RYR2: variants seen among roughly 807,000 people sequenced by gnomAD.
The protein encoded by RYR2 is cardiac muscle ryanodine receptor-calcium release channel.
RYR2 carries 227 observed loss-of-function variants against 601.1 expected under a neutral mutation model. The ratio of observed to expected loss-of-function variants is 0.38; its 90% CI spans 0.34 to 0.42. The LOEUF is 0.42. Ranked by LOEUF, RYR2 falls within the 10% of genes least tolerant of loss-of-function variation. RYR2 has a pLI of 1.00. For missense variants in RYR2, 4,646 were observed against 6,156.5 expected, an observed-to-expected ratio of 0.75 and a Z score of 8.21; for synonymous variants, 2,223 against 2,175.1, an observed-to-expected ratio of 1.02 and a Z score of -0.61.
At chr1:237,520,389 T>C (rs1372614432) in intron 24 of RYR2, among the ~76,000 whole-genome samples, 2 of 152,210 alleles carry the variant, frequency 1.3e-5, no homozygotes, top group Non-Finnish European at 2.9e-5. Flanking sequence ...TTCCAGTTCT[T>C]ACAGGGAAAG....
At chr1:237,445,332 C>T in intron 13 of RYR2, 69 bp from the exon 14 acceptor site, 1 of 1,591,380 alleles carries the variant, frequency 6.3e-7, no homozygotes, top group Admixed American at 1.7e-5. Flanking sequence ...TGTTTGAGTA[C>T]ACATCTCCCT....
At chr1:237,669,834 A>C (rs1478532202) in intron 58 of RYR2, among the ~76,000 whole-genome samples, 3 of 150,158 alleles carry the variant, frequency 2.0e-5, no homozygotes, top group African/African-American at 7.4e-5. Context: ...GGCTCCTCAC[A>C]TCCCAGATGA....
chr1:237,204,437 G>A (rs549833571), intron 1 of RYR2, among the ~76,000 whole-genome samples: 1 of 149,846 alleles, frequency 6.7e-6, no homozygotes, highest in South Asian at 2.1e-4. Flanking sequence ...TACTGTTGTT[G>A]TTGTTTTTTG....
intron 23 of RYR2, among the ~76,000 whole-genome samples, chr1:237,509,849 G>A (rs1025476618): frequency 5.9e-5 from 9 of 152,292 alleles, no homozygotes; most frequent in South Asian, 2.1e-4. Context: ...AAGCATGACC[G>A]TGTAGTAGGC....
intron 92 of RYR2, among the ~76,000 whole-genome samples, chr1:237,789,798 A>G (rs1324761006): frequency 1.3e-5 from 2 of 152,206 alleles, no homozygotes; most frequent in Non-Finnish European, 2.9e-5. Context: ...TTGCATGCAC[A>G]TGACCAGTCA....
At chr1:237,763,925 C>A (rs866309615) in intron 84 of RYR2, among the ~76,000 whole-genome samples, 1 of 152,064 alleles carries the variant, frequency 6.6e-6, no homozygotes, top group African/African-American at 2.4e-5. Context: ...ATCAATCATC[C>A]CTCTTGGAAG....
chr1:237,126,377 C>T (rs1671419354), intron 1 of RYR2, among the ~76,000 whole-genome samples: 3 of 152,144 alleles, frequency 2.0e-5, no homozygotes, highest in South Asian at 2.1e-4. Context: ...CCAAACCTAC[C>T]GTCTACTGGG....
In RYR2 at chr1:237,566,667, T is replaced by C; in HGVS notation, c.3315T>C (p.Phe1105=). The change falls in exon 28 of 105, where the codon TTT becomes TTC. Residue 1105 remains phenylalanine, a synonymous_variant. Coordinates refer to ENST00000366574, the MANE Select transcript of RYR2 (RefSeq NM_001035.3). ...AGGCCGGACGGTGGTATTTTGAATT[T>C]GAGACGGTCACTGCTGGAGACATGA... is the stretch of plus-strand genomic sequence containing the variant. The part of the protein sequence containing the change: ...AVKAGRWYFE[F]ETVTAGDMRV... 2 of 1,613,982 alleles carry C rather than the reference T, an allele frequency of 1.2e-6. No homozygotes were observed. The highest frequency in any genetic ancestry group is 1.7e-6 in the Non-Finnish European group (2 of 1,179,878).
intron 4 of RYR2, 113 bp downstream of exon 4, chr1:237,356,098 C>CTAATAGTACAAGTAA (rs1699272002): frequency 2.3e-6 from 2 of 877,908 alleles, no homozygotes; most frequent in Non-Finnish European, 3.7e-6. Context: ...AGTGTTCAAA[C>CTAATAGTACAAGTAA]TAACTGCTTC....
intron 24 of RYR2, among the ~76,000 whole-genome samples, chr1:237,523,855 T>A (rs541599700): frequency 3.8e-4 from 58 of 151,818 alleles, no homozygotes; most frequent in African/African-American, 1.4e-3. Flanking sequence ...ATTAAAACCA[T>A]AAGAAGATAC....
At chr1:237,066,234 T>C (rs1663600385) in intron 1 of RYR2, among the ~76,000 whole-genome samples, 1 of 152,256 alleles carries the variant, frequency 6.6e-6, no homozygotes. Flanking sequence ...TTTACATTCT[T>C]TTGTAAGACA....
chr1:237,082,904 G>T (rs531905843), intron 1 of RYR2, among the ~76,000 whole-genome samples: 1 of 152,164 alleles, frequency 6.6e-6, no homozygotes, highest in South Asian at 2.1e-4. Context: ...AATCACTAAA[G>T]CCTGATTAAT....
At chr1:237,408,484 G>A (rs1704129908) in intron 10 of RYR2, among the ~76,000 whole-genome samples, 1 of 149,886 alleles carries the variant, frequency 6.7e-6, no homozygotes, top group Admixed American at 6.6e-5. Flanking sequence ...AGATCAATGT[G>A]CTATATTTGT....
chr1:237,623,684 G>A lies in RYR2; in HGVS notation c.5917-81G>A, dbSNP rs186392005. The A allele has an allele frequency of 3.4e-3, 2,887 of 861,262 alleles. 25 individuals are homozygous for A. The highest frequency in any genetic ancestry group is 0.015 in the African/African-American group (929 of 60,128). The allele number at this position is 861,262 out of a possible 1,614,324, so 53.4% of individuals were successfully genotyped here. A position where few individuals can be genotyped will look rare whatever the true frequency, so the allele number is the denominator to read the frequency against. On this transcript the variant is annotated intron_variant, in intron 38 of 104. Transcript: ENST00000366574. ...TGGGATTACAGGCATGAGCCACTCC[G>A]CCCGGCCCTGCTGTGCCATTCTTGA...
intron 10 of RYR2, among the ~76,000 whole-genome samples, chr1:237,395,639 C>T (rs866268948): frequency 5.3e-5 from 8 of 150,302 alleles, no homozygotes; most frequent in East Asian, 1.9e-4. Context: ...CTCTGCCTCC[C>T]GGGTTCATGC....
At chr1:237,582,922 G>GTATATATATATA (rs770626279) in intron 29 of RYR2, among the ~76,000 whole-genome samples, 8 of 35,694 alleles carry the variant, frequency 2.2e-4, no homozygotes, top group Non-Finnish European at 7.9e-4. Flanking sequence ...ATTTTCTTTT[G>GTATATATATATA]GATATATATA....
At chr1:237,565,796 C>A (rs547949116) in intron 27 of RYR2, among the ~76,000 whole-genome samples, 3 of 152,196 alleles carry the variant, frequency 2.0e-5, no homozygotes, top group Non-Finnish European at 4.4e-5. Flanking sequence ...ACCTTCTCAT[C>A]GTCGTTCTGG....
intron 98 of RYR2, among the ~76,000 whole-genome samples, chr1:237,803,631 C>T (rs1464665509): frequency 3.3e-5 from 5 of 152,110 alleles, no homozygotes; most frequent in Non-Finnish European, 7.4e-5. Context: ...TAGATTAGCT[C>T]CATCTGAATG....
intron 67 of RYR2, among the ~76,000 whole-genome samples, chr1:237,706,729 G>A (rs1006696740): frequency 1.3e-5 from 2 of 152,146 alleles, no homozygotes; most frequent in African/African-American, 2.4e-5. Context: ...TAAAGTAGGA[G>A]GAATGGCTGT....
Sources: gnomAD v4.1 joint callset for allele counts (sites outside exome capture counted in the v4.1 genomes callset) on GRCh38, gnomAD v4.1.1 for gene constraint, MANE v1.5 for transcripts, NCBI Gene and HGNC (gene_info 2026-07-23, HGNC 2026-07-21) for gene names.